CCDC178: variants seen among roughly 807,000 people sequenced by gnomAD.
CCDC178 encodes coiled-coil domain containing 178, also known as coiled-coil domain-containing protein 178.
In CCDC178, 126 loss-of-function variants were observed where a neutral mutation model predicts 117.4. The ratio of observed to expected loss-of-function variants is 1.07; its 90% confidence interval spans 0.93 to 1.24. CCDC178 has a LOEUF of 1.24. CCDC178 is among the 50% of genes most tolerant of loss of function. The pLI, the probability that CCDC178 is intolerant of heterozygous loss-of-function variation, is 0.00. For synonymous variants in CCDC178, 283 were observed against 313.4 expected, an observed-to-expected ratio of 0.90 and a Z score of 1.02; for missense variants, 1,030 against 986.9, an observed-to-expected ratio of 1.04 and a Z score of -0.59.
At chr18:33,036,014 C>T (rs547880297) in intron 21 of CCDC178, among the ~76,000 whole-genome samples, 72 of 151,836 alleles carry the variant, frequency 4.7e-4, no homozygotes, top group Non-Finnish European at 9.9e-4. Flanking sequence ...CCACAGAGAG[C>T]TATTTCTTGA....
At chr18:33,372,639 C>T (rs963294505) in intron 5 of CCDC178, among the ~76,000 whole-genome samples, 1 of 152,030 alleles carries the variant, frequency 6.6e-6, no homozygotes, top group Non-Finnish European at 1.5e-5. Context: ...AAGACAAGAT[C>T]CTCCTGGCTC....
intron 20 of CCDC178, among the ~76,000 whole-genome samples, chr18:33,121,772 T>C (rs890799265): frequency 2.6e-5 from 4 of 152,046 alleles, no homozygotes; most frequent in African/African-American, 9.7e-5. Context: ...CACTGCAGAG[T>C]TGTGAGCATC....
intron 20 of CCDC178, among the ~76,000 whole-genome samples, chr18:33,127,116 T>C (rs1464499056): frequency 6.6e-6 from 1 of 151,780 alleles, no homozygotes; most frequent in Non-Finnish European, 1.5e-5. Context: ...TAGATATCTA[T>C]GTATACTAAA....
intron 11 of CCDC178, among the ~76,000 whole-genome samples, chr18:33,314,305 T>C (rs1214750726): frequency 1.3e-5 from 2 of 150,252 alleles, no homozygotes; most frequent in African/African-American, 4.9e-5. Flanking sequence ...AATCCTTAAT[T>C]ACTAAGGCTA....
chr18:33,337,685 C>T (rs1411936966), intron 9 of CCDC178, among the ~76,000 whole-genome samples: 1 of 152,058 alleles, frequency 6.6e-6, no homozygotes. Context: ...ACAAATGGTG[C>T]TAGGATAATT....
At chr18:32,992,884 G>A (rs2055423197) in intron 21 of CCDC178, among the ~76,000 whole-genome samples, 1 of 152,056 alleles carries the variant, frequency 6.6e-6, no homozygotes. Flanking sequence ...AGGATGTTGG[G>A]GCCAGGCACC....
At chr18:33,209,878 T>G (rs983852565) in intron 20 of CCDC178, among the ~76,000 whole-genome samples, 1 of 151,750 alleles carries the variant, frequency 6.6e-6, no homozygotes, top group Admixed American at 6.6e-5. Context: ...CCATTTTCAC[T>G]AGAGTAGGAA....
chr18:33,044,982 A>G (rs986847932), intron 21 of CCDC178, among the ~76,000 whole-genome samples: 1 of 152,276 alleles, frequency 6.6e-6, no homozygotes, highest in East Asian at 1.9e-4. Flanking sequence ...GGACATACAG[A>G]GCAGACACTG....
intron 10 of CCDC178, among the ~76,000 whole-genome samples, chr18:33,330,093 T>C (rs1295765340): frequency 1.3e-5 from 2 of 152,068 alleles, no homozygotes; most frequent in Non-Finnish European, 2.9e-5. Context: ...CAAGAATTTT[T>C]ACTATCTCAA....
chr18:32,961,551 C>A (rs553309336), intron 22 of CCDC178, among the ~76,000 whole-genome samples: 1 of 152,188 alleles, frequency 6.6e-6, no homozygotes, highest in South Asian at 2.1e-4. Context: ...AGTTCCCAAC[C>A]TTTTTGACAC....
intron 12 of CCDC178, 96 bp downstream of exon 12, chr18:33,293,063 A>C: frequency 1.3e-6 from 1 of 755,190 alleles, no homozygotes; most frequent in Non-Finnish European, 2.1e-6. Flanking sequence ...ATATAAAAAA[A>C]TTGGCCAATT....
In CCDC178 at chr18:33,381,314, C is replaced by T. The variant is rs145977962; in HGVS notation, c.208+8226G>A. Reference sequence around the variant, plus strand: ...ACAATAGCCAGACAATTCCTGTAGCCAAATAATTCTGTGTTGCATGCTCAG... The same window carrying T: ...ACAATAGCCAGACAATTCCTGTAGCTAAATAATTCTGTGTTGCATGCTCAG... On this transcript the variant is annotated intron_variant, in intron 5 of 22. Transcript: ENST00000383096. Among the ~76,000 whole-genome samples, 834 of 152,190 alleles carry T rather than the reference C, an allele frequency of 5.5e-3. 2 individuals carry two copies. Among genetic ancestry groups the T allele is most frequent in the Non-Finnish European group, 9.0e-3 (611 of 68,016 alleles).
At chr18:33,282,128 A>T (rs1599099915) in intron 12 of CCDC178, among the ~76,000 whole-genome samples, 1 of 152,224 alleles carries the variant, frequency 6.6e-6, no homozygotes, top group East Asian at 1.9e-4. Context: ...TCATTTTTGA[A>T]CCACAACAGT....
chr18:33,407,382 T>G (rs2063795612), intron 3 of CCDC178, among the ~76,000 whole-genome samples: 1 of 152,080 alleles, frequency 6.6e-6, no homozygotes, highest in Non-Finnish European at 1.5e-5. Context: ...TTAAAATATG[T>G]GGGACAGCAA....
At chr18:33,029,030 A>C (rs1462771791) in intron 21 of CCDC178, among the ~76,000 whole-genome samples, 2 of 151,888 alleles carry the variant, frequency 1.3e-5, no homozygotes. Flanking sequence ...TACTCATCCC[A>C]TAGAACGAGT....
At chr18:33,112,315 G>A (rs1315122382) in intron 20 of CCDC178, among the ~76,000 whole-genome samples, 3 of 151,586 alleles carry the variant, frequency 2.0e-5, no homozygotes, top group African/African-American at 7.3e-5. Flanking sequence ...AACATTCTCT[G>A]CCCAATTTTG....
At chr18:33,294,359 G>A (rs1222712033) in intron 11 of CCDC178, among the ~76,000 whole-genome samples, 1 of 152,104 alleles carries the variant, frequency 6.6e-6, no homozygotes, top group Non-Finnish European at 1.5e-5. Flanking sequence ...TAGTAGACTA[G>A]GAGATTTATT....
intron 10 of CCDC178, chr18:33,328,110 T>TGAGACAGAG: frequency 3.5e-6 from 1 of 283,454 alleles, no homozygotes. Flanking sequence ...TTTTTTTTTT[T>TGAGACAGAG]TTTTTTTTTT....
chr18:32,974,671 A>C lies in CCDC178; in HGVS notation c.2399T>G (p.Leu800Arg). 1 of 1,613,000 alleles carries C rather than the reference A, an allele frequency of 6.2e-7. No individual in the cohort carries two copies. The change falls in exon 22 of 23, where the codon CTG becomes CGG. Residue 800 changes from leucine to arginine, a missense_variant. Transcript: ENST00000383096. The stretch of plus-strand genomic sequence containing the variant: ...CCACAGTGTGTGCATCCTTCTCTGC[A>C]GCTGACAGAGCTAAAGGGAAGAGGG... ...SIRDKKQLCQ[L>R]QRRMHTLWQE...
Sources: allele counts gnomAD v4.1 joint callset (sites outside exome capture counted in the v4.1 genomes callset), GRCh38; gene constraint gnomAD v4.1.1; transcripts MANE v1.5; gene names NCBI Gene and HGNC (gene_info 2026-07-23, HGNC 2026-07-21).